TBL2: variants seen among roughly 807,000 people sequenced by gnomAD.
TBL2 encodes transducin beta like 2, also known as transducin beta-like protein 2.
Under a neutral mutation model 41.8 loss-of-function variants are expected in TBL2, and 33 were observed. The ratio of observed to expected loss-of-function variants is 0.79; its 90% CI spans 0.60 to 1.06. TBL2 has a LOEUF of 1.06. Ranked by LOEUF, TBL2 falls within the 50% of genes least tolerant of loss-of-function variation. The pLI, the probability that TBL2 is intolerant of heterozygous loss-of-function variation, is 0.00. For synonymous variants in TBL2, 239 were observed against 241.7 expected (o/e 0.99, Z 0.10); for missense variants, 522 against 603.8 (o/e 0.86, Z 1.42).
At position 73,574,146 on chromosome 7, in the gene TBL2, G is replaced by C. The variant is rs376789529; in HGVS notation, c.262-24C>G. On this transcript the variant is annotated intron_variant, in intron 2 of 6. Transcript: ENST00000305632. ...CTCTAGGGGAAGGGTGGCAGGAAGT[G>C]TCAATAGGAGCTCCTGGGGGAGATG... The C allele has an allele frequency of 2.5e-6, 4 of 1,610,790 alleles. No homozygotes were observed. The African/African-American group carries it at 4.0e-5, about 16-fold the overall frequency.
In TBL2 at chr7:73,570,552, G is replaced by T; in HGVS notation, c.1299C>A (p.Thr433=). The T allele has an allele frequency of 1.9e-6, 3 of 1,601,924 alleles. No homozygotes were observed. The highest frequency in any genetic ancestry group is 2.2e-5 in the East Asian group (1 of 44,558). Residue 433 remains threonine (T), a synonymous_variant, in exon 7 of 7, where the codon ACC becomes ACA. Transcript: ENST00000305632. ...STRQRLQQQL[T]QAQETLKSLG... Reference sequence around the variant, plus strand: ...GGCTCTTCAGGGTCTCTTGGGCCTGGGTCAGCTGCTGCTGCAGCCTCTGGC... The same window carrying T: ...GGCTCTTCAGGGTCTCTTGGGCCTGTGTCAGCTGCTGCTGCAGCCTCTGGC...
chr7:73,577,061 C>T (rs928160403), intron 1 of TBL2, among the ~76,000 whole-genome samples: 2 of 151,836 alleles, frequency 1.3e-5, no homozygotes, highest in Non-Finnish European at 2.9e-5. Flanking sequence ...AGATTGAGAC[C>T]ATCCTGGCTA....
At chr7:73,572,587 C>CTCCA (rs1793026711) in intron 5 of TBL2, among the ~76,000 whole-genome samples, 1 of 152,222 alleles carries the variant, frequency 6.6e-6, no homozygotes, top group Non-Finnish European at 1.5e-5. Flanking sequence ...CACCACTGTG[C>CTCCA]TCCAGCCTGG....
intron 1 of TBL2, chr7:73,576,427 G>A (rs559782633): frequency 3.5e-4 from 114 of 325,464 alleles, no homozygotes; most frequent in African/African-American, 2.0e-3. Context: ...TTAGCCGGGC[G>A]TGGTGGCAGG....
rs1016306587 is a variant in TBL2 at position 73,578,562 on chromosome 7, A to C, written c.-13T>G. 41 of 1,562,540 alleles carry C rather than the reference A, an allele frequency of 2.6e-5. No homozygotes were observed. The highest frequency in any genetic ancestry group is 3.4e-5 in the Non-Finnish European group (39 of 1,154,744). ...GCGAGAGCTCCATGTTGGTGGAACCACTGCCACCTCAGCTAGTGAGTACGC... is the reference window on the plus strand; with the variant it reads ...GCGAGAGCTCCATGTTGGTGGAACCCCTGCCACCTCAGCTAGTGAGTACGC... On this transcript the variant is annotated 5_prime_UTR_variant, in exon 1 of 7. Transcript: ENST00000305632.
chr7:73,574,261 T>C, intron 2 of TBL2, 122 bp downstream of exon 2: 1 of 1,526,222 alleles, frequency 6.6e-7, no homozygotes, highest in Non-Finnish European at 8.8e-7. Context: ...GGGGACAGAA[T>C]TAAGCACCCC....
chr7:73,578,275 C>T, intron 1 of TBL2, 145 bp downstream of exon 1: 1 of 1,534,036 alleles, frequency 6.5e-7, no homozygotes. Context: ...TCTCTGGAAG[C>T]GAAGCTCACG....
In TBL2 at chr7:73,567,797, A is replaced by G. The variant is rs1248027728; in HGVS notation, c.*2710T>C. Among the ~76,000 whole-genome samples the G allele has an allele frequency of 1.3e-5, 2 of 152,188 alleles. No individual in the cohort carries two copies. The highest frequency in any genetic ancestry group is 2.9e-5 in the Non-Finnish European group (2 of 68,032). The stretch of plus-strand genomic sequence containing the variant: ...TGTTTTCTCGTCTCACTGAAACACA[A>G]CATGGCAAGGTGGGTAGCACAGGAT... On this transcript the variant is annotated 3_prime_UTR_variant, in exon 7 of 7. Coordinates refer to ENST00000305632, the MANE Select transcript of TBL2 (RefSeq NM_012453.4).
At chr7:73,578,264 G>C (rs1554589394) in intron 1 of TBL2, 156 bp downstream of exon 1, 1 of 1,533,402 alleles carries the variant, frequency 6.5e-7, no homozygotes, top group Non-Finnish European at 8.7e-7. Context: ...GCGGGTCCCC[G>C]TCTCTGGAAG....
chr7:73,578,528 C>G lies in TBL2; in HGVS notation c.22G>C (p.Glu8Gln), dbSNP rs76029572. Residue 8 changes from glutamate to glutamine, a missense_variant, in exon 1 of 7, where the codon GAG becomes CAG. Physicochemically the swap from Glu to Gln is conservative, Grantham distance 29 (BLOSUM62 2). Coordinates refer to ENST00000305632, the MANE Select transcript of TBL2 (RefSeq NM_012453.4). The stretch of plus-strand genomic sequence containing the variant: ...AGCAACACCGACAGCCCCATGAGCT[C>G]CGACATCTGCGAGAGCTCCATGTTG... MELSQMS[E>Q]LMGLSVLLGL... is the part of the protein sequence containing the mutation. 0.043 allele frequency: 67,966 copies of G among 1,593,790 alleles called. 1,754 individuals carry two copies. The highest frequency in any genetic ancestry group is 0.098 in the Middle Eastern group (580 of 5,914).
intron 1 of TBL2, chr7:73,574,854 G>C: frequency 5.1e-6 from 2 of 393,518 alleles, no homozygotes; most frequent in South Asian, 4.1e-5. Flanking sequence ...AGAGGCTTTG[G>C]AATCAGACCT....
In TBL2 at chr7:73,570,332, A is replaced by G; in HGVS notation, c.*175T>C. 1 of 1,193,386 alleles carries G rather than the reference A, an allele frequency of 8.4e-7. No homozygotes were observed. The highest frequency in any genetic ancestry group is 1.1e-6 in the Non-Finnish European group (1 of 898,834). 73.9% of individuals were successfully genotyped at this position (1,193,386 alleles called of 1,614,324 possible). ...AGTCAGGGAGGAGTCACAGCCAGCA[A>G]GAAGAGAGAGACCTAAGTAGACAAG... On this transcript the variant is annotated 3_prime_UTR_variant, in exon 7 of 7. Coordinates refer to ENST00000305632, the MANE Select transcript of TBL2 (RefSeq NM_012453.4).
At position 73,576,496 on chromosome 7, in the gene TBL2, G is replaced by A. The variant is rs537293536; in HGVS notation, c.130+1924C>T. ...CAGGAGAATCACTTGAACCCAGGAG[G>A]TAGAGGTTGCAGTAAGCCAAGATCG... is the stretch of plus-strand genomic sequence containing the variant. On this transcript the variant is annotated intron_variant, in intron 1 of 6. Transcript: ENST00000305632. 10 of 402,260 alleles carry A rather than the reference G, an allele frequency of 2.5e-5. No homozygotes were observed. In the Middle Eastern group the frequency reaches 2.0e-3, roughly 80 times the overall value. The allele number at this position is 402,260 out of a possible 1,614,324, so 24.9% of individuals were successfully genotyped here. A position where few individuals can be genotyped will look rare whatever the true frequency, so the allele number is the denominator to read the frequency against.
chr7:73,574,883 TACTACTG>T (rs2115987206), intron 1 of TBL2: 1 of 367,998 alleles, frequency 2.7e-6, no homozygotes, highest in East Asian at 7.3e-5. Flanking sequence ...ATTCTGTCTC[TACTACTG>T]ACTGACTACT....
chr7:73,572,978 G>A lies in TBL2; in HGVS notation c.599-8C>T, dbSNP rs1195788266. On this transcript the variant is annotated splice_region_variant and splice_polypyrimidine_tract_variant and intron_variant, in intron 4 of 6. Transcript: ENST00000305632. ...CAGTCATGATAAACTTCCCTGAGCG[G>A]GAAGGGAGTGATGTGGGTCACGGGC... 1.2e-6 allele frequency: 2 copies of A among 1,614,038 alleles called. No homozygotes were observed. Among genetic ancestry groups the A allele is most frequent in the African/African-American group, 2.7e-5 (2 of 74,928 alleles).
intron 5 of TBL2, 104 bp from the exon 6 acceptor site, chr7:73,571,445 G>A: frequency 4.0e-6 from 6 of 1,498,514 alleles, no homozygotes; most frequent in Non-Finnish European, 5.4e-6. Context: ...CCTCATATCT[G>A]GATAATATAA....
chr7:73,576,295 AG>A (rs782238127), intron 1 of TBL2, among the ~76,000 whole-genome samples: 63 of 150,666 alleles, frequency 4.2e-4, no homozygotes, highest in Non-Finnish European at 8.1e-4. Context: ...GGCCTCCCAA[AG>A]TGCTGGGATT....
chr7:73,573,520 C>G (rs782078903), intron 3 of TBL2, 49 bp from the exon 4 acceptor site: 1 of 1,610,794 alleles, frequency 6.2e-7, no homozygotes, highest in Non-Finnish European at 8.5e-7. Flanking sequence ...CAAAGAGGCT[C>G]TGTGTTCCAG....
intron 6 of TBL2, 40 bp from the exon 7 acceptor site, chr7:73,571,012 C>T: frequency 6.4e-7 from 1 of 1,572,662 alleles, no homozygotes. Flanking sequence ...CCAACACACC[C>T]TGGCAGGGTA....
Sources: gnomAD v4.1 joint callset for allele counts (sites outside exome capture counted in the v4.1 genomes callset) on GRCh38, gnomAD v4.1.1 for gene constraint, MANE v1.5 for transcripts, NCBI Gene and HGNC (gene_info 2026-07-23, HGNC 2026-07-21) for gene names.